The following COL4A3 variants were observed in gnomAD, a reference collection of about 807,000 sequenced individuals.
COL4A3 encodes the protein collagen type IV alpha 3 chain, also known as collagen alpha-3(IV) chain.
Under a neutral mutation model 217.4 loss-of-function variants are expected in COL4A3, and 135 were observed. That is an observed-to-expected ratio of 0.62 (90% confidence interval 0.54 to 0.72). COL4A3 has a LOEUF of 0.72. COL4A3 is among the 30% of genes least tolerant of loss of function. The probability of loss-of-function intolerance (pLI) is 0.00; values close to 1 mark genes in which losing one functional copy is unlikely to be tolerated. For missense variants in COL4A3, 1,868 were observed against 2,119.9 expected, an observed-to-expected ratio of 0.88 and a Z score of 2.33; for synonymous variants, 690 against 736.3, an observed-to-expected ratio of 0.94 and a Z score of 1.02.
chr2:227,255,712 T>C (rs114708905), intron 15 of COL4A3, among the ~76,000 whole-genome samples: 1 of 152,086 alleles, frequency 6.6e-6, no homozygotes, highest in Non-Finnish European at 1.5e-5. Context: ...AGTGTGTGTG[T>C]GTTTTTTTTT....
rs778544630 is a variant in COL4A3 at position 227,310,757 on chromosome 2, A to G, written c.4756-19A>G. The stretch of plus-strand genomic sequence containing the variant: ...CCCAATGGACAGAGTGTTTATTCAG[A>G]TTTTTAAAATTGTGGTAGTTCACAA... On this transcript the variant is annotated intron_variant, in intron 50 of 51. Transcript: ENST00000396578. 1 of 1,612,542 alleles carries G rather than the reference A, an allele frequency of 6.2e-7. No homozygotes were observed.
chr2:227,230,310 C>T (rs2068332652), intron 1 of COL4A3, among the ~76,000 whole-genome samples: 5 of 152,108 alleles, frequency 3.3e-5, no homozygotes, highest in Admixed American at 3.3e-4. Flanking sequence ...AGTGCTAAAA[C>T]ATCATGTAAT....
intron 37 of COL4A3, 80 bp from the exon 38 acceptor site, chr2:227,293,111 T>C (rs2072848788): frequency 1.3e-6 from 2 of 1,577,850 alleles, no homozygotes; most frequent in South Asian, 1.1e-5. Flanking sequence ...ATGAAAAAAT[T>C]AGTGAATAAA....
chr2:227,235,631 T>G (rs1285462804), intron 1 of COL4A3, among the ~76,000 whole-genome samples: 2 of 152,182 alleles, frequency 1.3e-5, no homozygotes, highest in Admixed American at 6.5e-5. Context: ...TGTATCATTC[T>G]TATGCCTTTG....
intron 1 of COL4A3, among the ~76,000 whole-genome samples, chr2:227,227,099 C>T (rs543477933): frequency 1.3e-5 from 2 of 152,300 alleles, no homozygotes; most frequent in African/African-American, 2.4e-5. Flanking sequence ...GCTCATAGGC[C>T]GGATGGAAAC....
chr2:227,244,186 A>C lies in COL4A3; in HGVS notation c.235-134A>C, dbSNP rs1024593182. On this transcript the variant is annotated intron_variant, in intron 3 of 51. Coordinates refer to ENST00000396578, the MANE Select transcript of COL4A3 (RefSeq NM_000091.5). ...TTCCAATGAAATAAGCAAGCAATTG[A>C]ATCTTATTAACAATGAAATAATCAG... is the stretch of plus-strand genomic sequence containing the variant. The C allele has an allele frequency of 8.2e-6, 6 of 734,816 alleles. No homozygotes were observed. The African/African-American group carries it at 8.7e-5, about 11-fold the overall frequency. The allele number at this position is 734,816 out of a possible 1,614,324, so 45.5% of individuals were successfully genotyped here.
At chr2:227,245,832 T>A in intron 5 of COL4A3, 122 bp from the exon 6 acceptor site, 1 of 798,482 alleles carries the variant, frequency 1.3e-6, no homozygotes, top group Non-Finnish European at 2.2e-6. Flanking sequence ...GTACATTTAC[T>A]ACTTAACCAT....
At chr2:227,244,828 A>C in intron 4 of COL4A3, 123 bp from the exon 5 acceptor site, 1 of 993,240 alleles carries the variant, frequency 1.0e-6, no homozygotes, top group Non-Finnish European at 1.6e-6. Context: ...AATCGTTTCG[A>C]GCTATTCCCA....
intron 30 of COL4A3, 66 bp downstream of exon 30, chr2:227,280,656 T>C (rs912925079): frequency 1.3e-6 from 2 of 1,550,034 alleles, no homozygotes; most frequent in East Asian, 4.5e-5. Context: ...AAACTGAATG[T>C]GAAGGTGTTC....
rs2067145780 is a variant in COL4A3, at chr2:227,207,519, G to A, written c.88-30449G>A. On this transcript the variant is annotated intron_variant, in intron 1 of 51. Coordinates refer to ENST00000396578, the MANE Select transcript of COL4A3 (RefSeq NM_000091.5). ...CTTTTTATTCTAAACCTAGCTTACG[G>A]GAAGGAGTACAGTACAGGCTTCCCA... is the stretch of plus-strand genomic sequence containing the variant. Among the ~76,000 whole-genome samples, 3 of 152,100 alleles carry A rather than the reference G, an allele frequency of 2.0e-5. No individual in the cohort carries two copies. The South Asian group carries it at 6.2e-4, about 32-fold the overall frequency.
intron 2 of COL4A3, among the ~76,000 whole-genome samples, chr2:227,239,044 TTTTTG>T: frequency 1.3e-5 from 2 of 152,304 alleles, no homozygotes; most frequent in East Asian, 1.9e-4. Context: ...GACTTGTTCT[TTTTTG>T]TTTTAATTTG....
At chr2:227,277,355 G>A in intron 27 of COL4A3, 94 bp from the exon 28 acceptor site, 1 of 806,506 alleles carries the variant, frequency 1.2e-6, no homozygotes, top group South Asian at 1.5e-5. Context: ...GTGCAAAAGG[G>A]ATAGGACGAC....
In COL4A3 at chr2:227,253,432, G is replaced by A; in HGVS notation, c.687+95G>A. 4 of 1,459,218 alleles carry A rather than the reference G, an allele frequency of 2.7e-6. No homozygotes were observed. The highest frequency in any genetic ancestry group is 1.7e-4 in the Middle Eastern group (1 of 5,790). The allele number at this position is 1,459,218 out of a possible 1,614,324, so 90.4% of individuals were successfully genotyped here. ...TTTACTTACGGGCCAAGCTGAAATT[G>A]ATGGGCCTTCATTTGTTCTATCTTC... On this transcript the variant is annotated intron_variant, in intron 12 of 51. Coordinates refer to ENST00000396578, the MANE Select transcript of COL4A3 (RefSeq NM_000091.5). This position sits in a 1 kb window ranked among gnomAD's most constrained non-coding sequence, Gnocchi z 4.4.
At chr2:227,219,937 C>G (rs1371178956) in intron 1 of COL4A3, among the ~76,000 whole-genome samples, 5 of 152,040 alleles carry the variant, frequency 3.3e-5, no homozygotes, top group Non-Finnish European at 5.9e-5. Flanking sequence ...CATGAAATTC[C>G]TTGAATACCA....
At chr2:227,182,506 T>C (rs2065893138) in intron 1 of COL4A3, among the ~76,000 whole-genome samples, 2 of 152,212 alleles carry the variant, frequency 1.3e-5, no homozygotes, top group South Asian at 4.1e-4. Flanking sequence ...CAGCAGGGGA[T>C]ATTTGTGAAT....
At position 227,273,066 on chromosome 2, in the gene COL4A3, C is replaced by T; in HGVS notation, c.1876C>T (p.Leu626Phe). ...PGYGPQGEPG[L>F]QGTQGVPGAP... Reference sequence around the variant, plus strand: ...CTACGGACCCCAAGGAGAACCTGGTCTCCAGGGCACGCAAGGAGTTCCTGG... The same window carrying T: ...CTACGGACCCCAAGGAGAACCTGGTTTCCAGGGCACGCAAGGAGTTCCTGG... Residue 626 changes from leucine to phenylalanine, a missense_variant, in exon 26 of 52, where the codon CTC (leucine) becomes TTC (phenylalanine). Leu to Phe is a conservative substitution (Grantham distance 22). Coordinates refer to ENST00000396578, the MANE Select transcript of COL4A3 (RefSeq NM_000091.5). 1 of 1,614,092 alleles carries T rather than the reference C, an allele frequency of 6.2e-7. No individual in the cohort carries two copies. Among genetic ancestry groups the T allele is most frequent in the Middle Eastern group, 1.7e-4 (1 of 6,038 alleles).
intron 1 of COL4A3, among the ~76,000 whole-genome samples, chr2:227,215,785 A>G (rs2067508339): frequency 6.6e-6 from 1 of 152,094 alleles, no homozygotes. Context: ...GTGCAGATTT[A>G]TCCTCCCTCA....
intron 1 of COL4A3, among the ~76,000 whole-genome samples, chr2:227,218,362 T>C (rs1333217191): frequency 5.9e-5 from 9 of 151,734 alleles, no homozygotes; most frequent in Admixed American, 5.3e-4. Context: ...GCTATTCGGG[T>C]GGCTGAGGCA....
intron 21 of COL4A3, chr2:227,265,301 T>C (rs1225484690): frequency 6.6e-6 from 1 of 152,250 alleles, no homozygotes. Flanking sequence ...ATTTTAAAGA[T>C]GCAGAAAACT....
Sources: allele counts gnomAD v4.1 joint callset (sites outside exome capture counted in the v4.1 genomes callset), GRCh38; gene constraint gnomAD v4.1.1; non-coding constraint Gnocchi (gnomAD v3.1); transcripts MANE v1.5; gene names NCBI Gene and HGNC (gene_info 2026-07-23, HGNC 2026-07-21).